The following LYPLA1 variants were observed in gnomAD, a reference collection of about 807,000 sequenced individuals.
LYPLA1 encodes the protein lysophospholipase 1, also known as acyl-protein thioesterase 1.
In LYPLA1, 17 loss-of-function variants were observed where a neutral mutation model predicts 34.0. The ratio of observed to expected loss-of-function variants is 0.50; its 90% CI spans 0.34 to 0.75. LYPLA1 has a LOEUF of 0.75. Ranked by LOEUF, LYPLA1 falls within the 30% of genes least tolerant of loss-of-function variation. The pLI is 0.01. For missense variants in LYPLA1, 203 were observed against 288.8 expected (o/e 0.70, Z 2.15); for synonymous variants, 98 against 100.8 (o/e 0.97, Z 0.17).
At chr8:54,078,881 C>T (rs1359534084) in intron 2 of LYPLA1, among the ~76,000 whole-genome samples, 1 of 144,238 alleles carries the variant, frequency 6.9e-6, no homozygotes, top group East Asian at 1.9e-4. Context: ...TTCAACAACC[C>T]CCCCCCTTTT....
intron 2 of LYPLA1, among the ~76,000 whole-genome samples, chr8:54,092,765 T>C (rs1276914893): frequency 6.6e-6 from 1 of 152,180 alleles, no homozygotes. Context: ...ACAGACTGCT[T>C]GAGCTCAGGA....
chr8:54,076,446 C>A (rs895891149), intron 2 of LYPLA1, among the ~76,000 whole-genome samples: 5 of 152,176 alleles, frequency 3.3e-5, no homozygotes, highest in African/African-American at 4.8e-5. Context: ...CTGACTCCTG[C>A]GAGAAGTAGC....
At chr8:54,062,168 A>G in intron 5 of LYPLA1, 86 bp downstream of exon 5, 2 of 998,330 alleles carry the variant, frequency 2.0e-6, no homozygotes, top group South Asian at 2.9e-5. Flanking sequence ...CAAATGTGTA[A>G]TTTTTAACCA....
intron 2 of LYPLA1, among the ~76,000 whole-genome samples, chr8:54,085,783 C>CTG (rs1808694983): frequency 7.6e-6 from 1 of 131,138 alleles, no homozygotes; most frequent in African/African-American, 2.9e-5. Flanking sequence ...GCCCCCACCC[C>CTG]GGCCAGCCGC....
intron 2 of LYPLA1, among the ~76,000 whole-genome samples, chr8:54,067,341 AG>A (rs1229225369): frequency 6.6e-6 from 1 of 152,162 alleles, no homozygotes; most frequent in East Asian, 1.9e-4. Context: ...AGAAAACTTA[AG>A]AAAAAAAAAT....
At chr8:54,081,766 G>A (rs976714959) in intron 2 of LYPLA1, among the ~76,000 whole-genome samples, 6 of 145,218 alleles carry the variant, frequency 4.1e-5, no homozygotes, top group Middle Eastern at 7.4e-3. Context: ...TTCTGCTCTT[G>A]TTGCCCAGGC....
intron 2 of LYPLA1, among the ~76,000 whole-genome samples, chr8:54,094,714 A>C (rs888038828): frequency 5.3e-5 from 8 of 152,220 alleles, no homozygotes; most frequent in Admixed American, 5.2e-4. Context: ...TGAGTCCAGG[A>C]CTAGAGCAGG....
At chr8:54,055,023 C>A (rs761680050) in intron 6 of LYPLA1, 37 bp downstream of exon 6, 2 of 1,208,818 alleles carry the variant, frequency 1.7e-6, no homozygotes, top group Non-Finnish European at 2.5e-6. Context: ...AATAAGTATA[C>A]TGATGGTACT....
chr8:54,073,645 A>T, intron 2 of LYPLA1: 1 of 459,214 alleles, frequency 2.2e-6, no homozygotes, highest in Non-Finnish European at 4.0e-6. Context: ...CTGCTGCTAC[A>T]ATGTCCTAAC....
chr8:54,044,219 C>T (rs1031692317), downstream of LYPLA1, among the ~76,000 whole-genome samples: 2 of 152,024 alleles, frequency 1.3e-5, no homozygotes, highest in African/African-American at 4.8e-5. Context: ...TTCGGGTCAC[C>T]TGGTATTCAG....
At chr8:54,075,401 C>T (rs1179901310) in intron 2 of LYPLA1, among the ~76,000 whole-genome samples, 4 of 152,194 alleles carry the variant, frequency 2.6e-5, no homozygotes, top group Non-Finnish European at 5.9e-5. Flanking sequence ...GAGCCAGATG[C>T]CGAGTAAGAG....
At chr8:54,100,676 T>C (rs752313144) in intron 2 of LYPLA1, 25 of 512,070 alleles carry the variant, frequency 4.9e-5, no homozygotes, top group Non-Finnish European at 8.0e-5. Context: ...AATGAGGAAT[T>C]TGAAATTTTA....
intron 5 of LYPLA1, among the ~76,000 whole-genome samples, chr8:54,061,923 T>A (rs1806663565): frequency 6.6e-6 from 1 of 152,168 alleles, no homozygotes; most frequent in South Asian, 2.1e-4. Flanking sequence ...TGGGGCGATC[T>A]CAGCTCACTG....
At chr8:54,088,319 G>A (rs1361738771) in intron 2 of LYPLA1, among the ~76,000 whole-genome samples, 1 of 152,216 alleles carries the variant, frequency 6.6e-6, no homozygotes, top group Non-Finnish European at 1.5e-5. Context: ...AATCTTTAAA[G>A]AGGGACCTCT....
At chr8:54,087,546 G>A (rs1808896101) in intron 2 of LYPLA1, among the ~76,000 whole-genome samples, 1 of 152,220 alleles carries the variant, frequency 6.6e-6, no homozygotes, top group Non-Finnish European at 1.5e-5. Flanking sequence ...AAACTGTTGT[G>A]CTGCAAAACA....
At chr8:54,101,326 T>C in intron 1 of LYPLA1, 1 of 1,075,040 alleles carries the variant, frequency 9.3e-7, no homozygotes, top group Non-Finnish European at 1.1e-6. Context: ...ATACACGAGT[T>C]TTCTAAAAAA....
At chr8:54,066,005 C>T (rs1221125193) in intron 2 of LYPLA1, among the ~76,000 whole-genome samples, 192 bp from the exon 3 acceptor site, 5 of 152,134 alleles carry the variant, frequency 3.3e-5, no homozygotes, top group East Asian at 3.9e-4. Flanking sequence ...GGCGCGATCT[C>T]GGCTCACTGC....
At chr8:54,084,854 C>T (rs1321665334) in intron 2 of LYPLA1, among the ~76,000 whole-genome samples, 1 of 152,184 alleles carries the variant, frequency 6.6e-6, no homozygotes, top group Non-Finnish European at 1.5e-5. Flanking sequence ...GAAACAAAAT[C>T]TATACAGGCC....
At chr8:54,073,118 G>T in intron 2 of LYPLA1, 1 of 696,336 alleles carries the variant, frequency 1.4e-6, no homozygotes, top group Non-Finnish European at 2.7e-6. Context: ...GAACTTGCGC[G>T]TCCATCTCAG....
Sources: gnomAD v4.1 joint callset for allele counts (sites outside exome capture counted in the v4.1 genomes callset) on GRCh38, gnomAD v4.1.1 for gene constraint, MANE v1.5 for transcripts, NCBI Gene and HGNC (gene_info 2026-07-23, HGNC 2026-07-21) for gene names.